AGBL4: variants seen among roughly 807,000 people sequenced by gnomAD.
The protein encoded by AGBL4 is AGBL carboxypeptidase 4, also known as cytosolic carboxypeptidase 6.
AGBL4 carries 58 observed loss-of-function variants against 66.4 expected under a neutral mutation model. The observed-to-expected ratio is 0.87, with a 90% confidence interval of 0.71 to 1.09. The LOEUF (loss-of-function observed/expected upper bound fraction) is 1.09, where lower values mean the gene tolerates loss of function less well. AGBL4 is among the 50% of genes least tolerant of loss of function. AGBL4 has a pLI of 0.00. For synonymous variants in AGBL4, 234 were observed against 222.9 expected (o/e 1.05, Z -0.44); for missense variants, 579 against 631.0 (o/e 0.92, Z 0.88).
intron 2 of AGBL4, among the ~76,000 whole-genome samples, chr1:49,744,315 C>T (rs570204535): frequency 4.5e-4 from 69 of 152,150 alleles, no homozygotes; most frequent in African/African-American, 1.6e-3. Flanking sequence ...TCTCTTGCTC[C>T]TGCTCCCACC....
intron 2 of AGBL4, chr1:49,845,569 G>A (rs894270699): frequency 8.5e-5 from 136 of 1,599,980 alleles, no homozygotes; most frequent in Admixed American, 2.0e-4. Context: ...CCACACAGGG[G>A]AGAAGCCCTA....
chr1:48,668,002 A>ATTT (rs869308497), intron 6 of AGBL4, among the ~76,000 whole-genome samples: 2 of 121,418 alleles, frequency 1.6e-5, no homozygotes, highest in Non-Finnish European at 3.6e-5. Context: ...TGGGGGAAGC[A>ATTT]TTTGTTGTTG....
At chr1:49,903,989 G>A (rs1650022536) in intron 1 of AGBL4, among the ~76,000 whole-genome samples, 1 of 152,026 alleles carries the variant, frequency 6.6e-6, no homozygotes, top group South Asian at 2.1e-4. Context: ...ATGGTGGCAG[G>A]GAGCAGACAA....
At chr1:49,244,408 A>G (rs1651471102) in intron 4 of AGBL4, among the ~76,000 whole-genome samples, 1 of 151,950 alleles carries the variant, frequency 6.6e-6, no homozygotes, top group Middle Eastern at 3.4e-3. Flanking sequence ...GCAGCAGATT[A>G]GTTGATTTGA....
In AGBL4 at chr1:49,061,595, T is replaced by G. The variant is rs190888247; in HGVS notation, c.378-15795A>C. Among the ~76,000 whole-genome samples, 348 of 152,226 alleles carry G rather than the reference T, an allele frequency of 2.3e-3. 1 individual carries two copies. The highest frequency in any genetic ancestry group is 7.2e-3 in the African/African-American group (300 of 41,516). ...TGCCAGAAGAATTACTGTGGTAGTG[T>G]GACCAGCAGGCTGGATTCAGCAACA... is the stretch of plus-strand genomic sequence containing the variant. On this transcript the variant is annotated intron_variant, in intron 4 of 13. Transcript: ENST00000371839.
chr1:49,753,032 T>C (rs1211149247), intron 2 of AGBL4, among the ~76,000 whole-genome samples: 2 of 152,210 alleles, frequency 1.3e-5, no homozygotes, highest in Non-Finnish European at 2.9e-5. Flanking sequence ...AATTTGCCAG[T>C]CTGTGTCTGT....
At position 48,982,364 on chromosome 1, in the gene AGBL4, G is replaced by C. The variant is rs1659843511; in HGVS notation, c.594+63220C>G. Among the ~76,000 whole-genome samples, 2 of 151,670 alleles carry C rather than the reference G, an allele frequency of 1.3e-5. 1 individual carries two copies. The highest frequency in any genetic ancestry group is 4.2e-4 in the South Asian group (2 of 4,806). ...CTCCCACTCCCCCCACCCCACAACA[G>C]GCCCCAGTGTGTGATGTTCCCCTTC... On this transcript the variant is annotated intron_variant, in intron 5 of 13. Transcript: ENST00000371839.
intron 3 of AGBL4, among the ~76,000 whole-genome samples, chr1:49,457,347 T>C (rs377246525): frequency 6.6e-6 from 1 of 151,998 alleles, no homozygotes; most frequent in East Asian, 1.9e-4. Flanking sequence ...TTTTTCCATA[T>C]GCTCATTAAC....
At chr1:48,942,112 A>T (rs1656029317) in intron 5 of AGBL4, among the ~76,000 whole-genome samples, 1 of 152,242 alleles carries the variant, frequency 6.6e-6, no homozygotes, top group African/African-American at 2.4e-5. Context: ...CACATAGGAA[A>T]GCCTGAAAGT....
At chr1:49,985,228 T>C (rs1212381793) in intron 1 of AGBL4, among the ~76,000 whole-genome samples, 1 of 152,172 alleles carries the variant, frequency 6.6e-6, no homozygotes, top group Admixed American at 6.5e-5. Flanking sequence ...CTACACAATG[T>C]ATCCCCGAAT....
intron 9 of AGBL4, 105 bp from the exon 10 acceptor site, chr1:48,591,090 A>ACCCCCC (rs151241264): frequency 3.8e-6 from 2 of 527,430 alleles, no homozygotes; most frequent in Non-Finnish European, 2.9e-6. Flanking sequence ...ACACCCACCC[A>ACCCCCC]CCCCCCCCCA....
intron 3 of AGBL4, among the ~76,000 whole-genome samples, chr1:49,300,899 C>T (rs1644733012): frequency 6.6e-6 from 1 of 152,148 alleles, no homozygotes; most frequent in African/African-American, 2.4e-5. Flanking sequence ...CTTTCCTGAT[C>T]GTAAGCCATG....
At chr1:48,722,319 A>C (rs967811899) in intron 6 of AGBL4, among the ~76,000 whole-genome samples, 2 of 152,202 alleles carry the variant, frequency 1.3e-5, no homozygotes, top group African/African-American at 4.8e-5. Flanking sequence ...TACAAAATTA[A>C]AGGATGGGGA....
the AGBL4 span, among the ~76,000 whole-genome samples, chr1:48,526,943 C>A: frequency 6.6e-6 from 1 of 152,116 alleles, no homozygotes; most frequent in East Asian, 1.9e-4. Flanking sequence ...TCCAGGACCG[C>A]TGACTCTAAG....
chr1:49,529,901 G>A (rs953344141), intron 3 of AGBL4, among the ~76,000 whole-genome samples: 1 of 151,820 alleles, frequency 6.6e-6, no homozygotes, highest in Non-Finnish European at 1.5e-5. Context: ...AACATCAGCA[G>A]AGCGGGGGTA....
intron 2 of AGBL4, among the ~76,000 whole-genome samples, chr1:49,714,637 A>G: frequency 6.6e-6 from 1 of 150,508 alleles, no homozygotes; most frequent in East Asian, 1.9e-4. Context: ...TACACACACA[A>G]ATATTTACAC....
chr1:49,247,928 G>T (rs1201745210), intron 3 of AGBL4, among the ~76,000 whole-genome samples: 2 of 152,068 alleles, frequency 1.3e-5, no homozygotes, highest in Non-Finnish European at 2.9e-5. Flanking sequence ...CAAACTATTG[G>T]TAGAGCTAGG....
At chr1:48,622,944 A>G (rs1160261225) in intron 9 of AGBL4, among the ~76,000 whole-genome samples, 8 of 152,176 alleles carry the variant, frequency 5.3e-5, no homozygotes, top group African/African-American at 1.9e-4. Context: ...AACCTGCCCA[A>G]AGGTAGCAAA....
intron 3 of AGBL4, among the ~76,000 whole-genome samples, chr1:49,255,367 C>A (rs1652396238): frequency 6.6e-6 from 1 of 151,964 alleles, no homozygotes; most frequent in African/African-American, 2.4e-5. Flanking sequence ...GACAAGATTA[C>A]ACGCTTTTCA....
Sources: gnomAD v4.1 joint callset for allele counts (sites outside exome capture counted in the v4.1 genomes callset) on GRCh38, gnomAD v4.1.1 for gene constraint, MANE v1.5 for transcripts, NCBI Gene and HGNC (gene_info 2026-07-23, HGNC 2026-07-21) for gene names.